Variants in XKR4 observed in about 807,000 individuals in gnomAD.
XKR4 encodes XK-related protein 4.
Under a neutral mutation model 53.9 loss-of-function variants are expected in XKR4, and 12 were observed. The observed-to-expected ratio is 0.22, with a 90% confidence interval of 0.14 to 0.36. The LOEUF (loss-of-function observed/expected upper bound fraction) is 0.36. Among genes scored for constraint, XKR4 ranks in the 10% least tolerant of loss-of-function variants. XKR4 has a pLI of 1.00. For missense variants in XKR4, 799 were observed against 859.5 expected, an observed-to-expected ratio of 0.93 and a Z score of 0.88; for synonymous variants, 354 against 362.4, an observed-to-expected ratio of 0.98 and a Z score of 0.26.
chr8:55,416,120 T>C (rs978765947), intron 2 of XKR4, among the ~76,000 whole-genome samples: 1 of 152,130 alleles, frequency 6.6e-6, no homozygotes, highest in African/African-American at 2.4e-5. Context: ...GCCCTGAAAG[T>C]TAAATGAATG....
At chr8:55,521,481 T>C (rs1457320411) in intron 2 of XKR4, among the ~76,000 whole-genome samples, 1 of 152,224 alleles carries the variant, frequency 6.6e-6, no homozygotes, top group Non-Finnish European at 1.5e-5. Flanking sequence ...CAGAAACTCC[T>C]TTGTATACTG....
In XKR4 at chr8:55,232,052, C is replaced by T. The variant is rs117586513; in HGVS notation, c.807-125626C>T. 4.1e-4 allele frequency among the ~76,000 whole-genome samples: 63 copies of T among 152,314 alleles called. 5 individuals are homozygous for T. In the East Asian group the frequency reaches 0.012, roughly 29 times the overall value. ...GATAGATGGGCTCCTAAAAGAAAGACATGGGTGGTTCAAAATGGAATCTTA... is the reference window on the plus strand; with the variant it reads ...GATAGATGGGCTCCTAAAAGAAAGATATGGGTGGTTCAAAATGGAATCTTA... On this transcript the variant is annotated intron_variant, in intron 1 of 2. Transcript: ENST00000327381.
intron 1 of XKR4, among the ~76,000 whole-genome samples, chr8:55,209,158 T>C (rs1006949720): frequency 1.3e-5 from 2 of 151,956 alleles, no homozygotes; most frequent in Admixed American, 6.6e-5. Flanking sequence ...CCTCACTCAA[T>C]TCCACACAAT....
intron 1 of XKR4, among the ~76,000 whole-genome samples, chr8:55,229,610 C>A (rs1029535966): frequency 1.3e-5 from 2 of 152,224 alleles, no homozygotes; most frequent in Admixed American, 1.3e-4. Flanking sequence ...TCTGATTCCT[C>A]CTGAGTTTCT....
chr8:55,256,004 G>A (rs1233858325), intron 1 of XKR4, among the ~76,000 whole-genome samples: 6 of 151,390 alleles, frequency 4.0e-5, no homozygotes, highest in African/African-American at 1.5e-4. Context: ...ATGCCGGGGT[G>A]CGTCAAGCCC....
chr8:55,203,599 G>A (rs185840453), intron 1 of XKR4, among the ~76,000 whole-genome samples: 138 of 152,268 alleles, frequency 9.1e-4, no homozygotes, highest in African/African-American at 3.1e-3. Flanking sequence ...ATTGTGGCAG[G>A]GGCAGCAGTG....
intron 1 of XKR4, among the ~76,000 whole-genome samples, chr8:55,264,272 C>A (rs1818569068): frequency 6.6e-6 from 1 of 152,150 alleles, no homozygotes; most frequent in Non-Finnish European, 1.5e-5. Flanking sequence ...TCTATTTCTC[C>A]TTTGCCTTTA....
chr8:55,462,287 T>G (rs899791861), intron 2 of XKR4, among the ~76,000 whole-genome samples: 2 of 152,182 alleles, frequency 1.3e-5, no homozygotes, highest in African/African-American at 4.8e-5. Flanking sequence ...TGGCAGAAAC[T>G]CTACAAACCA....
chr8:55,326,455 C>A (rs994083656), intron 1 of XKR4, among the ~76,000 whole-genome samples: 1 of 145,096 alleles, frequency 6.9e-6, no homozygotes, highest in African/African-American at 2.5e-5. Context: ...TTCCCCTCAA[C>A]TGATTTTTTT....
intron 2 of XKR4, among the ~76,000 whole-genome samples, chr8:55,490,850 G>C (rs1806261133): frequency 6.6e-6 from 1 of 152,050 alleles, no homozygotes; most frequent in Non-Finnish European, 1.5e-5. Flanking sequence ...TTTTCTGCTT[G>C]TGGTTTGTTG....
rs149070230 is a variant in XKR4, at chr8:55,461,105, C to A, written c.1007-62176C>A. 3.0e-3 allele frequency among the ~76,000 whole-genome samples: 455 copies of A among 152,354 alleles called. 1 individual carries two copies. The highest frequency in any genetic ancestry group is 5.0e-3 in the Non-Finnish European group (339 of 68,034). On this transcript the variant is annotated intron_variant, in intron 2 of 2. Transcript: ENST00000327381. ...CCTCTGCAGACTTAAATGTCCCTGTCTGACTGCTTTGAAGAGAGTAGTGGT... is the reference window on the plus strand; with the variant it reads ...CCTCTGCAGACTTAAATGTCCCTGTATGACTGCTTTGAAGAGAGTAGTGGT...
At chr8:55,320,595 G>A (rs970100530) in intron 1 of XKR4, among the ~76,000 whole-genome samples, 6 of 152,068 alleles carry the variant, frequency 3.9e-5, no homozygotes, top group Non-Finnish European at 7.4e-5. Context: ...TAAATTAGGG[G>A]CATTATATTA....
intron 1 of XKR4, among the ~76,000 whole-genome samples, chr8:55,263,764 C>T (rs1487371536): frequency 1.1e-4 from 17 of 152,166 alleles, no homozygotes; most frequent in Admixed American, 1.1e-3. Context: ...ATAGGGTCAA[C>T]ACTTGGGAAT....
intron 2 of XKR4, among the ~76,000 whole-genome samples, chr8:55,501,354 T>G (rs955987014): frequency 6.6e-6 from 1 of 152,224 alleles, no homozygotes; most frequent in Non-Finnish European, 1.5e-5. Context: ...TCAATGGCAT[T>G]GAGTACATTC....
At chr8:55,169,033 A>G (rs964332186) in intron 1 of XKR4, among the ~76,000 whole-genome samples, 3 of 152,206 alleles carry the variant, frequency 2.0e-5, no homozygotes, top group African/African-American at 7.2e-5. Flanking sequence ...GTTCTTTTAA[A>G]AATACTTTCT....
intron 2 of XKR4, among the ~76,000 whole-genome samples, chr8:55,471,155 C>T (rs541152657): frequency 2.6e-5 from 4 of 152,210 alleles, no homozygotes; most frequent in East Asian, 1.9e-4. Context: ...TCAGTACCTA[C>T]GTGTCTGGTG....
In XKR4 at chr8:55,387,903, G is replaced by A. The variant is rs573303425; in HGVS notation, c.1006+30026G>A. 9.8e-5 allele frequency among the ~76,000 whole-genome samples: 15 copies of A among 152,314 alleles called. 1 individual carries two copies. The South Asian group carries it at 2.9e-3, about 29-fold the overall frequency. On this transcript the variant is annotated intron_variant, in intron 2 of 2. Coordinates refer to ENST00000327381, the MANE Select transcript of XKR4 (RefSeq NM_052898.2). ...TTCTGTCACACTGAGCTGAGAGATG[G>A]GAGGGTGATATGAGCAGGTCGTGAC...
intron 1 of XKR4, among the ~76,000 whole-genome samples, chr8:55,318,860 T>C (rs1250933419): frequency 6.6e-6 from 1 of 152,186 alleles, no homozygotes; most frequent in East Asian, 1.9e-4. Flanking sequence ...TATTATCAGA[T>C]GTGACAAATT....
intron 1 of XKR4, chr8:55,135,649 G>A (rs1418644511): frequency 2.2e-6 from 1 of 456,054 alleles, no homozygotes; most frequent in Non-Finnish European, 4.4e-6. Context: ...CTGGATAGAG[G>A]AGTCTTCAAA....
Sources: gnomAD v4.1 joint callset for allele counts (sites outside exome capture counted in the v4.1 genomes callset) on GRCh38, gnomAD v4.1.1 for gene constraint, MANE v1.5 for transcripts, NCBI Gene and HGNC (gene_info 2026-07-23, HGNC 2026-07-21) for gene names.